ZNRF3: variants seen among roughly 807,000 people sequenced by gnomAD.
ZNRF3 encodes the protein zinc and ring finger 3, also known as E3 ubiquitin-protein ligase ZNRF3.
ZNRF3 carries 23 observed loss-of-function variants against 72.5 expected under a neutral mutation model. The ratio of observed to expected loss-of-function variants is 0.32; its 90% CI spans 0.23 to 0.45. The LOEUF is 0.45. Among genes scored for constraint, ZNRF3 ranks in the 20% least tolerant of loss-of-function variants. The pLI is 1.00. For synonymous variants in ZNRF3, 610 were observed against 545.3 expected, an observed-to-expected ratio of 1.12 and a Z score of -1.65; for missense variants, 1,169 against 1,272.1, an observed-to-expected ratio of 0.92 and a Z score of 1.23.
intron 1 of ZNRF3, among the ~76,000 whole-genome samples, chr22:28,927,604 T>C (rs552092491): frequency 6.6e-6 from 1 of 152,230 alleles, no homozygotes; most frequent in South Asian, 2.1e-4. Flanking sequence ...TTTGTATGTG[T>C]GTGTAAGGTC....
intron 1 of ZNRF3, among the ~76,000 whole-genome samples, chr22:28,974,446 T>C (rs2035634097): frequency 6.6e-6 from 1 of 152,204 alleles, no homozygotes; most frequent in Non-Finnish European, 1.5e-5. Flanking sequence ...TAAACAACAT[T>C]ACAGTAAAGG....
At position 29,048,972 on chromosome 22, in the gene ZNRF3, T is replaced by G. The variant is rs1449343158; in HGVS notation, c.1016-225T>G. 6.6e-6 allele frequency among the ~76,000 whole-genome samples: 1 copy of G among 152,134 alleles called. No individual in the cohort carries two copies. The highest frequency in any genetic ancestry group is 1.9e-4 in the East Asian group (1 of 5,188). On this transcript the variant is annotated intron_variant, in intron 7 of 8. Transcript: ENST00000544604. This position sits in a 1 kb window ranked among gnomAD's most constrained non-coding sequence, Gnocchi z 4.9. ...TGTGGTGCCCTGTCAGGCAGAGCAG[T>G]GGGGAGTTGGGAGCGGGGCCCTTAC...
chr22:28,901,823 G>C (rs577094115), intron 1 of ZNRF3, among the ~76,000 whole-genome samples: 1 of 151,484 alleles, frequency 6.6e-6, no homozygotes, highest in Non-Finnish European at 1.5e-5. Context: ...TGTATTTTTA[G>C]TAGAGATGGG....
intron 1 of ZNRF3, among the ~76,000 whole-genome samples, chr22:28,974,051 G>A (rs2035625738): frequency 1.4e-5 from 2 of 145,258 alleles, no homozygotes; most frequent in Admixed American, 7.3e-5. Context: ...TCCACCTTCC[G>A]AGTTCACGCC....
At chr22:29,053,434 G>T in intron 8 of ZNRF3, 145 bp from the exon 9 acceptor site, 1 of 640,520 alleles carries the variant, frequency 1.6e-6, no homozygotes, top group Admixed American at 3.1e-5. Flanking sequence ...CACAAATGGA[G>T]CCCCTCTGGG....
At chr22:29,012,504 AG>A (rs2123853686) in intron 2 of ZNRF3, among the ~76,000 whole-genome samples, 1 of 152,332 alleles carries the variant, frequency 6.6e-6, no homozygotes, top group African/African-American at 2.4e-5. Flanking sequence ...GGCCCTGGAA[AG>A]GCAGTTGAGT....
chr22:28,949,406 T>C (rs868134633), intron 1 of ZNRF3, among the ~76,000 whole-genome samples: 10 of 152,076 alleles, frequency 6.6e-5, no homozygotes, highest in Admixed American at 2.6e-4. Flanking sequence ...TCCAAGTGTC[T>C]AGGGCTTTAG....
intron 2 of ZNRF3, among the ~76,000 whole-genome samples, chr22:29,012,934 C>T (rs753975510): frequency 5.5e-4 from 84 of 152,284 alleles, no homozygotes; most frequent in Non-Finnish European, 9.3e-4. Flanking sequence ...GCCATGGCTC[C>T]GTCCCAGGTT....
chr22:28,969,617 G>A (rs556168141), intron 1 of ZNRF3, among the ~76,000 whole-genome samples: 40 of 152,342 alleles, frequency 2.6e-4, no homozygotes, highest in African/African-American at 9.6e-4. Context: ...TGGCAGAAGA[G>A]AGGGGTCAAA....
chr22:29,021,821 G>A (rs893794571), intron 2 of ZNRF3, among the ~76,000 whole-genome samples: 3 of 152,160 alleles, frequency 2.0e-5, no homozygotes, highest in South Asian at 2.1e-4. Flanking sequence ...TAATAGACAT[G>A]TGATAAACAG....
At chr22:29,051,022 T>A (rs750952159) in intron 8 of ZNRF3, 74 bp downstream of exon 8, 254 of 1,449,902 alleles carry the variant, frequency 1.8e-4, no homozygotes, top group Non-Finnish European at 2.3e-4. Flanking sequence ...TCTTAGGCAT[T>A]TTCTGAATGA....
At position 28,904,444 on chromosome 22, in the gene ZNRF3, C is replaced by T. The variant is rs73388889; in HGVS notation, c.300+20378C>T. Among the ~76,000 whole-genome samples the T allele has an allele frequency of 4.7e-3, 722 of 152,324 alleles. 5 individuals are homozygous for T. The highest frequency in any genetic ancestry group is 0.017 in the African/African-American group (691 of 41,566). On this transcript the variant is annotated intron_variant, in intron 1 of 8. Transcript: ENST00000544604. The stretch of plus-strand genomic sequence containing the variant: ...CAGATTTCTTGAGGAGCTGAGCCTT[C>T]GCTCCTCAGATCACAGGCTCACATG...
chr22:28,967,213 A>G (rs2035485490), intron 1 of ZNRF3, among the ~76,000 whole-genome samples: 1 of 152,018 alleles, frequency 6.6e-6, no homozygotes, highest in Non-Finnish European at 1.5e-5. Flanking sequence ...TTTTTACTGT[A>G]CCTTTTCTAT....
Position 29,053,705 on chromosome 22 carries a change from T to A in ZNRF3, c.*83T>A, listed in dbSNP as rs1000583210. The A allele has an allele frequency of 1.4e-4, 188 of 1,383,700 alleles. No homozygotes were observed. The highest frequency in any genetic ancestry group is 1.9e-4 in the Middle Eastern group (1 of 5,404). The allele number at this position is 1,383,700 out of a possible 1,614,324, so 85.7% of individuals were successfully genotyped here. ...TCTTTCAAAAAACAAAAACAAAAAA[T>A]TTTTTTAGCTTTGACAAACACACAA... is the stretch of plus-strand genomic sequence containing the variant. On this transcript the variant is annotated 3_prime_UTR_variant, in exon 9 of 9. Coordinates refer to ENST00000544604, the MANE Select transcript of ZNRF3 (RefSeq NM_001206998.2).
intron 4 of ZNRF3, among the ~76,000 whole-genome samples, chr22:29,044,046 C>A (rs1303751988): frequency 1.3e-5 from 2 of 152,222 alleles, no homozygotes; most frequent in Non-Finnish European, 2.9e-5. Flanking sequence ...GAACCTTGGG[C>A]TGGTGCCCTA....
chr22:28,946,992 TGA>T (rs1413864112), intron 1 of ZNRF3, among the ~76,000 whole-genome samples: 1 of 152,180 alleles, frequency 6.6e-6, no homozygotes, highest in African/African-American at 2.4e-5. Context: ...GGGCAGGTAT[TGA>T]GAGGGTAGTT....
At chr22:29,003,733 G>A (rs950101691) in intron 2 of ZNRF3, among the ~76,000 whole-genome samples, 5 of 152,050 alleles carry the variant, frequency 3.3e-5, no homozygotes, top group East Asian at 1.9e-4. Flanking sequence ...CCAGCTACTC[G>A]GGAGGCTGGA....
intron 1 of ZNRF3, among the ~76,000 whole-genome samples, chr22:28,971,355 T>C (rs1302639521): frequency 6.6e-6 from 1 of 152,168 alleles, no homozygotes; most frequent in Non-Finnish European, 1.5e-5. Flanking sequence ...GTTATGGGCT[T>C]TTAATTCATA....
chr22:28,975,705 C>T (rs1484136036), intron 1 of ZNRF3, among the ~76,000 whole-genome samples: 1 of 151,982 alleles, frequency 6.6e-6, no homozygotes, highest in Non-Finnish European at 1.5e-5. Flanking sequence ...CCACTGCACT[C>T]TAGCCTGGGC....
Sources: gnomAD v4.1 joint callset for allele counts (sites outside exome capture counted in the v4.1 genomes callset) on GRCh38, gnomAD v4.1.1 for gene constraint, Gnocchi (gnomAD v3.1) non-coding constraint, MANE v1.5 for transcripts, NCBI Gene and HGNC (gene_info 2026-07-23, HGNC 2026-07-21) for gene names.